Variants in EPS15L1 observed in about 807,000 individuals in gnomAD.
EPS15L1 encodes the protein epidermal growth factor receptor pathway substrate 15 like 1.
In EPS15L1, 43 loss-of-function variants were observed where a neutral mutation model predicts 117.1. The observed-to-expected ratio is 0.37, with a 90% CI of 0.29 to 0.47. EPS15L1 has a LOEUF of 0.47. Ranked by LOEUF, EPS15L1 falls within the 20% of genes least tolerant of loss-of-function variation. The pLI is 0.99. For missense variants in EPS15L1, 981 were observed against 1,164.0 expected (o/e 0.84, Z 2.29); for synonymous variants, 459 against 470.5 (o/e 0.98, Z 0.32).
chr19:16,434,255 G>C (rs2092957720), intron 7 of EPS15L1, 110 bp downstream of exon 7: 1 of 1,420,150 alleles, frequency 7.0e-7, no homozygotes. Context: ...TGATGGCACA[G>C]GGAGAAAACA....
chr19:16,448,937 G>A (rs192313235), intron 1 of EPS15L1, among the ~76,000 whole-genome samples: 1 of 151,996 alleles, frequency 6.6e-6, no homozygotes, highest in Non-Finnish European at 1.5e-5. Context: ...ATATACTAGA[G>A]AGCTCTCAAA....
intron 13 of EPS15L1, among the ~76,000 whole-genome samples, chr19:16,411,964 G>A (rs1051529943): frequency 6.6e-6 from 1 of 152,188 alleles, no homozygotes; most frequent in Non-Finnish European, 1.5e-5. Flanking sequence ...CTCCCAAAGT[G>A]CTGGGATTAC....
chr19:16,445,978 C>T (rs1383409233), intron 1 of EPS15L1, among the ~76,000 whole-genome samples: 3 of 152,224 alleles, frequency 2.0e-5, no homozygotes, highest in South Asian at 4.1e-4. Flanking sequence ...GCTTTCAGCT[C>T]GGTCTTTCAG....
Position 16,471,963 on chromosome 19 carries a change from C to T in EPS15L1, c.-18G>A, listed in dbSNP as rs1416276403. On this transcript the variant is annotated 5_prime_UTR_variant, in exon 1 of 24. Coordinates refer to ENST00000455140, the MANE Select transcript of EPS15L1 (RefSeq NM_001258374.3). This position sits in a 1 kb window ranked among gnomAD's most constrained non-coding sequence, Gnocchi z 4.8. ...GCCGCCATCTTCCCGCGGACTCGGG[C>T]TCCGAGCGCCGGGGGAACGGGGGCG... 6 of 1,281,338 alleles carry T rather than the reference C, an allele frequency of 4.7e-6. No homozygotes were observed. The highest frequency in any genetic ancestry group is 5.9e-6 in the Non-Finnish European group (6 of 1,015,422). The allele number at this position is 1,281,338 out of a possible 1,614,324, so 79.4% of individuals were successfully genotyped here.
chr19:16,468,406 C>T (rs973273820), intron 1 of EPS15L1, among the ~76,000 whole-genome samples: 28 of 152,136 alleles, frequency 1.8e-4, no homozygotes, highest in African/African-American at 5.8e-4. Context: ...GGTGCAGTGG[C>T]GCGATCTCAG....
intron 13 of EPS15L1, among the ~76,000 whole-genome samples, chr19:16,407,031 C>A (rs545010647): frequency 1.3e-5 from 2 of 152,234 alleles, no homozygotes; most frequent in Non-Finnish European, 2.9e-5. Context: ...CCTCACCAGA[C>A]GCTGAATCTG....
intron 21 of EPS15L1, among the ~76,000 whole-genome samples, chr19:16,379,290 C>G (rs978971737): frequency 1.9e-4 from 29 of 152,028 alleles, no homozygotes; most frequent in African/African-American, 6.8e-4. Context: ...GGCAACAGAG[C>G]GAGACTCCAT....
rs1037716421 is a variant in EPS15L1, at chr19:16,441,028, G to C, written c.166-119C>G. 4 of 968,810 alleles carry C rather than the reference G, an allele frequency of 4.1e-6. No individual in the cohort carries two copies. In the African/African-American group the frequency reaches 6.4e-5, roughly 16 times the overall value. The allele number at this position is 968,810 out of a possible 1,614,324, so 60.0% of individuals were successfully genotyped here. A position where few individuals can be genotyped will look rare whatever the true frequency, so the allele number is the denominator to read the frequency against. ...TGCGGGGCAGGAGTGACTGTCCCCA[G>C]GTTGTCCTGCAGATGAAGAAGCCAA... On this transcript the variant is annotated intron_variant, in intron 3 of 23. Transcript: ENST00000455140.
chr19:16,379,784 G>T (rs7250165), intron 21 of EPS15L1, among the ~76,000 whole-genome samples: 137,870 of 151,862 alleles, frequency 0.91, 63,122 homozygotes, highest in Non-Finnish European at 0.97. Context: ...CCAGTGCAGA[G>T]GTCTAAGGCT....
Position 16,418,095 on chromosome 19 carries a change from G to T in EPS15L1, c.960C>A (p.Ala320=). 1 of 1,613,198 alleles carries T rather than the reference G, an allele frequency of 6.2e-7. No homozygotes were observed. The highest frequency in any genetic ancestry group is 1.1e-5 in the South Asian group (1 of 90,996). Residue 320 remains alanine (A), a synonymous_variant, in exon 11 of 24, where the codon GCC becomes GCA. Transcript: ENST00000455140. ...TTAACTTCCCCGTTTGCCTCGTATC[G>T]GCCAGGGCCCTGGGAGAAACGTGGG... ...QNLLAHIWAL[A]DTRQTGKLSK...
In EPS15L1 at chr19:16,413,860, A is replaced by G. The variant is rs1439425833; in HGVS notation, c.1194-15T>C. On this transcript the variant is annotated splice_polypyrimidine_tract_variant and intron_variant, in intron 12 of 23. Coordinates refer to ENST00000455140, the MANE Select transcript of EPS15L1 (RefSeq NM_001258374.3). Reference sequence around the variant, plus strand: ...AATATTTCTCTCTGAATGTTTAAAAATATTTCATGAAAACAAGAGTGAATA... The same window carrying G: ...AATATTTCTCTCTGAATGTTTAAAAGTATTTCATGAAAACAAGAGTGAATA... 1 of 1,598,432 alleles carries G rather than the reference A, an allele frequency of 6.3e-7. No homozygotes were observed. Among genetic ancestry groups the G allele is most frequent in the Non-Finnish European group, 8.6e-7 (1 of 1,165,816 alleles).
chr19:16,391,563 G>T (rs1450230286), intron 19 of EPS15L1, among the ~76,000 whole-genome samples: 1 of 151,388 alleles, frequency 6.6e-6, no homozygotes, highest in African/African-American at 2.4e-5. Flanking sequence ...GAAAACGGAA[G>T]AAGGCTATGA....
intron 23 of EPS15L1, 49 bp from the exon 24 acceptor site, chr19:16,355,900 C>A (rs781173129): frequency 6.6e-7 from 1 of 1,525,120 alleles, no homozygotes; most frequent in South Asian, 1.2e-5. Flanking sequence ...GGGCTGGGAC[C>A]TGCAAGCTGG....
At chr19:16,402,025 T>G (rs913978909) in intron 16 of EPS15L1, 32 of 1,147,248 alleles carry the variant, frequency 2.8e-5, no homozygotes, top group Middle Eastern at 7.3e-4. Flanking sequence ...CCCTCTGAAC[T>G]TGGGTGGTTG....
intron 22 of EPS15L1, 108 bp downstream of exon 22, chr19:16,377,014 G>A: frequency 7.2e-7 from 1 of 1,389,008 alleles, no homozygotes; most frequent in Non-Finnish European, 9.7e-7. Flanking sequence ...TCCCCACACA[G>A]GGTCCCACGG....
intron 1 of EPS15L1, among the ~76,000 whole-genome samples, chr19:16,449,659 G>A (rs372779727): frequency 1.7e-4 from 26 of 152,252 alleles, no homozygotes; most frequent in South Asian, 1.5e-3. Flanking sequence ...ATTTACCCGG[G>A]AGAAATGAAG....
Position 16,381,354 on chromosome 19 carries a change from C to CT in EPS15L1, c.2247+3774dup, listed in dbSNP as rs987115769. 6.6e-6 allele frequency among the ~76,000 whole-genome samples: 1 copy of CT among 152,248 alleles called. No individual in the cohort carries two copies. Among genetic ancestry groups the CT allele is most frequent in the African/African-American group, 2.4e-5 (1 of 41,462 alleles). On this transcript the variant is annotated intron_variant, in intron 21 of 23. Coordinates refer to ENST00000455140, the MANE Select transcript of EPS15L1 (RefSeq NM_001258374.3). The surrounding 1 kb of genome is among the most constrained non-coding windows in gnomAD (Gnocchi z 4.2). The stretch of plus-strand genomic sequence containing the variant: ...CCTCCCAGGCTGGGGCCACCAGACG[C>CT]TGCCCTCAGCTGCCGAGGGCCACCC...
At position 16,422,550 on chromosome 19, in the gene EPS15L1, C is replaced by T. The variant is rs117195970; in HGVS notation, c.793-1074G>A. 3.0e-3 allele frequency among the ~76,000 whole-genome samples: 464 copies of T among 152,196 alleles called. 2 individuals carry two copies. The highest frequency in any genetic ancestry group is 5.2e-3 in the Non-Finnish European group (356 of 68,000). On this transcript the variant is annotated intron_variant, in intron 9 of 23. Coordinates refer to ENST00000455140, the MANE Select transcript of EPS15L1 (RefSeq NM_001258374.3). ...GACAGGCAAATGTGGCTGGAGGGAT[C>T]GATTGTTCCTTCTCCACGCAGCAAC... is the stretch of plus-strand genomic sequence containing the variant.
At chr19:16,401,701 A>C (rs374489341) in intron 16 of EPS15L1, 8 of 985,458 alleles carry the variant, frequency 8.1e-6, no homozygotes, top group Non-Finnish European at 2.4e-6. Context: ...CAAAAATGTA[A>C]GGGGCCGACA....
Sources: gnomAD v4.1 joint callset for allele counts (sites outside exome capture counted in the v4.1 genomes callset) on GRCh38, gnomAD v4.1.1 for gene constraint, Gnocchi (gnomAD v3.1) non-coding constraint, MANE v1.5 for transcripts, NCBI Gene and HGNC (gene_info 2026-07-23, HGNC 2026-07-21) for gene names.